LYRM4: variants seen among roughly 807,000 people sequenced by gnomAD.
LYRM4 encodes the protein LYR motif containing 4, also known as LYR motif-containing protein 4.
Under a neutral mutation model 11.7 loss-of-function variants are expected in LYRM4, and 9 were observed. The ratio of observed to expected loss-of-function variants is 0.77; its 90% CI spans 0.46 to 1.34. The LOEUF (loss-of-function observed/expected upper bound fraction) is 1.34. LYRM4 is among the 40% of genes most tolerant of loss of function. The pLI, the probability that LYRM4 is intolerant of heterozygous loss-of-function variation, is 0.00. For synonymous variants in LYRM4, 42 were observed against 40.4 expected (o/e 1.04, Z -0.15); for missense variants, 133 against 112.5 (o/e 1.18, Z -0.82).
intron 2 of LYRM4, among the ~76,000 whole-genome samples, chr6:5,214,931 G>A (rs1373784340): frequency 6.6e-6 from 1 of 151,600 alleles, no homozygotes; most frequent in East Asian, 1.9e-4. Context: ...AACGTGCAGT[G>A]GCCAGGCTGC....
At chr6:5,080,516 G>A in the LYRM4 span, among the ~76,000 whole-genome samples, 1 of 152,242 alleles carries the variant, frequency 6.6e-6, no homozygotes, top group Admixed American at 6.5e-5. Flanking sequence ...ACTTGGCCAA[G>A]TTATTCCAGG....
chr6:5,245,089 TAAAAAAAAAAAAAA>T (rs71540855), intron 1 of LYRM4, among the ~76,000 whole-genome samples: 9 of 15,496 alleles, frequency 5.8e-4, no homozygotes, highest in African/African-American at 1.5e-3. Context: ...AGGAAGACCT[TAAAAAAAAAAAAAA>T]AAAAAAAAAA....
downstream of LYRM4, chr6:5,107,798 AG>A (rs1762707493): frequency 6.6e-6 from 1 of 152,058 alleles, no homozygotes; most frequent in South Asian, 2.1e-4. Context: ...GGGGCCGAGG[AG>A]TTCAAGACCA....
At chr6:5,239,482 G>T (rs749635149) in intron 1 of LYRM4, among the ~76,000 whole-genome samples, 1 of 152,072 alleles carries the variant, frequency 6.6e-6, no homozygotes, top group Non-Finnish European at 1.5e-5. Context: ...GCCATGAGTT[G>T]TGGGCATCTA....
At chr6:5,094,636 T>A in the LYRM4 span, among the ~76,000 whole-genome samples, 1 of 152,250 alleles carries the variant, frequency 6.6e-6, no homozygotes, top group Non-Finnish European at 1.5e-5. Flanking sequence ...AGCCTTCAGA[T>A]GTCTTCTTGG....
the LYRM4 span, among the ~76,000 whole-genome samples, chr6:5,082,128 G>C: frequency 6.6e-6 from 1 of 152,208 alleles, no homozygotes; most frequent in Admixed American, 6.5e-5. Context: ...ATGGAAGCTG[G>C]GGATGGGTTG....
intron 2 of LYRM4, among the ~76,000 whole-genome samples, chr6:5,127,756 T>C (rs1763762145): frequency 6.6e-6 from 1 of 152,266 alleles, no homozygotes; most frequent in African/African-American, 2.4e-5. Flanking sequence ...CAATTACACA[T>C]ATAGCTTGCA....
At chr6:5,055,678 C>T in the LYRM4 span, among the ~76,000 whole-genome samples, 1 of 152,306 alleles carries the variant, frequency 6.6e-6, no homozygotes, top group Non-Finnish European at 1.5e-5. This position sits in a 1 kb window ranked among gnomAD's most constrained non-coding sequence, Gnocchi z 4.5. Context: ...CTACCCTCCA[C>T]CCCTAAACCA....
chr6:5,240,663 C>T (rs1043372053), intron 1 of LYRM4: 1 of 152,204 alleles, frequency 6.6e-6, no homozygotes, highest in African/African-American at 2.4e-5. Context: ...TGTAAACCCG[C>T]AGCAGTAGTA....
At position 5,227,319 on chromosome 6, in the gene LYRM4, A is replaced by G. The variant is rs1762950556; in HGVS notation, c.87-10581T>C. On this transcript the variant is annotated intron_variant, in intron 1 of 2. Coordinates refer to ENST00000330636, the MANE Select transcript of LYRM4 (RefSeq NM_020408.6). ...AAGGAGCCCTGGAGAAATCATACCA[A>G]TATTTAAGAGCAGGCAGAGAAGGAT... Among the ~76,000 whole-genome samples, 8 of 152,326 alleles carry G rather than the reference A, an allele frequency of 5.3e-5. No homozygotes were observed. The South Asian group carries it at 1.7e-3, about 32-fold the overall frequency.
chr6:5,154,923 G>T (rs1368905224), intron 2 of LYRM4, among the ~76,000 whole-genome samples: 1 of 152,198 alleles, frequency 6.6e-6, no homozygotes, highest in African/African-American at 2.4e-5. Context: ...CAGGGTTCAG[G>T]TCTCCTCACC....
intron 1 of LYRM4, among the ~76,000 whole-genome samples, chr6:5,250,400 C>T (rs1228373492): frequency 1.3e-5 from 2 of 152,080 alleles, no homozygotes; most frequent in African/African-American, 4.8e-5. Context: ...ACCCCAAAAC[C>T]TTGGCTGCTA....
chr6:5,249,387 T>C (rs1764331632), intron 1 of LYRM4, among the ~76,000 whole-genome samples: 1 of 152,212 alleles, frequency 6.6e-6, no homozygotes, highest in Non-Finnish European at 1.5e-5. Context: ...GTCAAAGTAG[T>C]TCAGGAGTCA....
chr6:5,080,686 T>C, the LYRM4 span, among the ~76,000 whole-genome samples: 1 of 152,226 alleles, frequency 6.6e-6, no homozygotes. Flanking sequence ...CAATTATGAC[T>C]TCCTTGAGGG....
the LYRM4 span, among the ~76,000 whole-genome samples, chr6:5,095,379 T>G: frequency 2.6e-5 from 4 of 152,324 alleles, no homozygotes; most frequent in African/African-American, 9.6e-5. Flanking sequence ...AGGCTTCCGG[T>G]GCAACCAAGT....
In LYRM4 at chr6:5,156,740, G is replaced by GAAACAC. The variant is rs567096616; in HGVS notation, c.208-47255_208-47250dup. Among the ~76,000 whole-genome samples the GAAACAC allele has an allele frequency of 5.9e-5, 9 of 152,276 alleles. No homozygotes were observed. The South Asian group carries it at 1.9e-3, about 32-fold the overall frequency. ...TGTGCTAAACCCAGAAACAGAAACA[G>GAAACAC]AAACACCCAGCTCTTCTTCAGGGAG... On this transcript the variant is annotated intron_variant, in intron 2 of 2. Coordinates refer to ENST00000330636, the MANE Select transcript of LYRM4 (RefSeq NM_020408.6).
the LYRM4 span, chr6:5,032,552 G>T: frequency 6.6e-6 from 1 of 152,218 alleles, no homozygotes; most frequent in East Asian, 1.9e-4. Flanking sequence ...ACATGGCAAA[G>T]ACCACAGTTG....
rs922463099 is a variant in LYRM4 at position 5,260,788 on chromosome 6, C to A, written c.-55G>T. On this transcript the variant is annotated 5_prime_UTR_variant, in exon 1 of 3. Coordinates refer to ENST00000330636, the MANE Select transcript of LYRM4 (RefSeq NM_020408.6). Reference sequence around the variant, plus strand: ...TCTTCGCCGAGGTCCCAAGTACGACCCAACCCACGAAACTCCAGCCTGTGC... The same window carrying A: ...TCTTCGCCGAGGTCCCAAGTACGACACAACCCACGAAACTCCAGCCTGTGC... 1 of 1,534,988 alleles carries A rather than the reference C, an allele frequency of 6.5e-7. No homozygotes were observed. Among genetic ancestry groups the A allele is most frequent in the Admixed American group, 2.0e-5 (1 of 50,506 alleles).
chr6:5,151,447 G>T (rs923084875), intron 2 of LYRM4, among the ~76,000 whole-genome samples: 4 of 152,108 alleles, frequency 2.6e-5, no homozygotes, highest in African/African-American at 4.8e-5. Flanking sequence ...CACTGGGTTT[G>T]CCCCGACTCC....
Sources: gnomAD v4.1 joint callset for allele counts (sites outside exome capture counted in the v4.1 genomes callset) on GRCh38, gnomAD v4.1.1 for gene constraint, Gnocchi (gnomAD v3.1) non-coding constraint, MANE v1.5 for transcripts, NCBI Gene and HGNC (gene_info 2026-07-23, HGNC 2026-07-21) for gene names.